The following SFPQ variants were observed in gnomAD, a reference collection of about 807,000 sequenced individuals.
SFPQ encodes splicing factor proline and glutamine rich.
Under a neutral mutation model 72.9 loss-of-function variants are expected in SFPQ, and 11 were observed. The observed-to-expected ratio is 0.15, with a 90% CI of 0.09 to 0.25. SFPQ has a LOEUF of 0.25. Among genes scored for constraint, SFPQ ranks in the 10% least tolerant of loss-of-function variants. The pLI is 1.00. For synonymous variants in SFPQ, 506 were observed against 367.3 expected (o/e 1.38, Z -4.32); for missense variants, 847 against 993.3 (o/e 0.85, Z 1.98).
At chr1:35,187,707 G>C (rs550257660) in intron 7 of SFPQ, among the ~76,000 whole-genome samples, 40 of 151,638 alleles carry the variant, frequency 2.6e-4, no homozygotes, top group African/African-American at 9.2e-4. Context: ...CTCCAGCCTG[G>C]GTGACAAGAG....
In SFPQ at chr1:35,183,967, G is replaced by T; in HGVS notation, c.*489C>A. ...CATTTCTTCTTTTTAAAACAAAGGG[G>T]GCAATTATTTGTAGAAAGCAATACT... On this transcript the variant is annotated 3_prime_UTR_variant, in exon 10 of 10. Transcript: ENST00000357214. The T allele has an allele frequency of 3.8e-6, 4 of 1,052,908 alleles. No homozygotes were observed. Among genetic ancestry groups the T allele is most frequent in the Non-Finnish European group, 4.6e-6 (4 of 871,298 alleles). 65.2% of individuals were successfully genotyped at this position (1,052,908 alleles called of 1,614,324 possible).
chr1:35,185,675 A>G (rs1477519012), intron 9 of SFPQ, among the ~76,000 whole-genome samples: 3 of 152,222 alleles, frequency 2.0e-5, no homozygotes, highest in African/African-American at 7.2e-5. Flanking sequence ...GTTCCTATAC[A>G]CAATTTCAAC....
rs926950806 is a variant in SFPQ at position 35,183,823 on chromosome 1, A to G, written c.*633T>C. 2 of 1,055,528 alleles carry G rather than the reference A, an allele frequency of 1.9e-6. No homozygotes were observed. Among genetic ancestry groups the G allele is most frequent in the African/African-American group, 3.3e-5 (2 of 60,490 alleles). 65.4% of individuals were successfully genotyped at this position (1,055,528 alleles called of 1,614,324 possible). A position where few individuals can be genotyped will look rare whatever the true frequency, so the allele number is the denominator to read the frequency against. ...CCAATTGTCTTACACCCATTCCACA[A>G]TCTTAATACATATTCCTGAAGATTT... On this transcript the variant is annotated 3_prime_UTR_variant, in exon 10 of 10. Coordinates refer to ENST00000357214, the MANE Select transcript of SFPQ (RefSeq NM_005066.3).
downstream of SFPQ, chr1:35,181,760 C>G: frequency 1.0e-6 from 1 of 985,332 alleles, no homozygotes; most frequent in Non-Finnish European, 1.2e-6. Context: ...CTTTCCCACC[C>G]CAAGTTTCAG....
intron 4 of SFPQ, chr1:35,177,740 T>G (rs1195840205): frequency 6.2e-6 from 1 of 160,738 alleles, no homozygotes; most frequent in African/African-American, 2.4e-5. Context: ...AAGTCAAGTT[T>G]TCTTTTCTGT....
chr1:35,190,687 A>C lies in SFPQ; in HGVS notation c.1319+7T>G. 1.9e-6 allele frequency: 3 copies of C among 1,612,682 alleles called. No homozygotes were observed. Among genetic ancestry groups the C allele is most frequent in the Non-Finnish European group, 2.5e-6 (3 of 1,179,242 alleles). Reference sequence around the variant, plus strand: ...TAGAAATTATTAGAATAAACAAGACAACTTACGTCGTCAGTAAGAAAACAC... The same window carrying C: ...TAGAAATTATTAGAATAAACAAGACCACTTACGTCGTCAGTAAGAAAACAC... On this transcript the variant is annotated splice_region_variant and intron_variant, in intron 3 of 9. Transcript: ENST00000357214.
rs1418971625 is a variant in SFPQ, at chr1:35,192,407, C to T, written c.643G>A (p.Gly215Arg). The stretch of plus-strand genomic sequence containing the variant: ...CCCGGGCCGCCACCTGGCTTCGGCC[C>T]GCCAGGCATTTTGCCGCCTTTGGGA... Reference protein sequence around the residue: ...GGPKGGKMPGGPKPGGGPGLS... With the variant: ...GGPKGGKMPGRPKPGGGPGLS... The change falls in exon 1 of 10, where the codon GGG becomes AGG. Residue 215 changes from glycine to arginine, a missense_variant. This residue lies in a region of SFPQ where 498 missense variants were observed against 405.1 expected (regional missense o/e 1.23). Transcript: ENST00000357214. The T allele has an allele frequency of 2.8e-6, 4 of 1,424,342 alleles. No individual in the cohort carries two copies. The highest frequency in any genetic ancestry group is 3.6e-6 in the Non-Finnish European group (4 of 1,096,984). The allele number at this position is 1,424,342 out of a possible 1,614,324, so 88.2% of individuals were successfully genotyped here. A position where few individuals can be genotyped will look rare whatever the true frequency, so the allele number is the denominator to read the frequency against.
rs561501989 is a variant in SFPQ at position 35,192,557 on chromosome 1, G to A, written c.493C>T (p.Pro165Ser). The change falls in exon 1 of 10, where the codon CCG becomes TCG. Residue 165 changes from proline to serine, a missense_variant. Pro to Ser is a moderately conservative substitution (Grantham distance 74). This residue lies in a region of SFPQ where 498 missense variants were observed against 405.1 expected (regional missense o/e 1.23). Transcript: ENST00000357214. ...CCGCTGCTTGGCGGGGTGGGTGGCG[G>A]CGCCCCGGGAGGGGCCGAGGTGACT... Reference protein sequence around the residue: ...PAVTSAPPGAPPPTPPSSGVP... With the variant: ...PAVTSAPPGASPPTPPSSGVP... The A allele has an allele frequency of 9.8e-6, 13 of 1,327,048 alleles. No homozygotes were observed. Among genetic ancestry groups the A allele is most frequent in the Non-Finnish European group, 1.1e-5 (12 of 1,044,578 alleles). 82.2% of individuals were successfully genotyped at this position (1,327,048 alleles called of 1,614,324 possible).
At position 35,192,770 on chromosome 1, in the gene SFPQ, G is replaced by A; in HGVS notation, c.280C>T (p.His94Tyr). Residue 94 changes from histidine to tyrosine, a missense_variant, in exon 1 of 10, where the codon CAT (histidine) becomes TAT (tyrosine). His to Tyr is a moderately conservative substitution (Grantham distance 83). This residue lies in a region of SFPQ where 498 missense variants were observed against 405.1 expected (regional missense o/e 1.23). Transcript: ENST00000357214. ...GGTGGCGGCGGCTGCTGCTGCTGAT[G>A]CGGCTGTGGATGCGGCGGCGGCTGA... ...PHQPPPHPQP[H>Y]QQQQPPPPPQ... The A allele has an allele frequency of 6.7e-7, 1 of 1,501,978 alleles. No individual in the cohort carries two copies. Among genetic ancestry groups the A allele is most frequent in the Non-Finnish European group, 8.8e-7 (1 of 1,131,264 alleles). 93.0% of individuals were successfully genotyped at this position (1,501,978 alleles called of 1,614,324 possible). A position where few individuals can be genotyped will look rare whatever the true frequency, so the allele number is the denominator to read the frequency against.
Position 35,183,267 on chromosome 1 carries a change from C to CTGGA in SFPQ, c.*1185_*1188dup. The CTGGA allele has an allele frequency of 1.3e-6, 1 of 748,992 alleles. No individual in the cohort carries two copies. Among genetic ancestry groups the CTGGA allele is most frequent in the Non-Finnish European group, 1.6e-6 (1 of 607,194 alleles). The allele number at this position is 748,992 out of a possible 1,614,324, so 46.4% of individuals were successfully genotyped here. A position where few individuals can be genotyped will look rare whatever the true frequency, so the allele number is the denominator to read the frequency against. ...ACAGAGTCTCGCTCTGTTGTCCAGG[C>CTGGA]TGGAGTGCAGTGGCAGTCTCAGCTC... On this transcript the variant is annotated 3_prime_UTR_variant, in exon 10 of 10. Transcript: ENST00000357214.
intron 2 of SFPQ, 140 bp downstream of exon 2, chr1:35,191,201 A>G: frequency 2.3e-6 from 2 of 858,748 alleles, no homozygotes. Context: ...TACCGCAAGC[A>G]TTTTTCCTGT....
rs1045083859 is a variant in SFPQ, at chr1:35,183,698, T to C, written c.*758A>G. The C allele has an allele frequency of 9.6e-7, 1 of 1,042,990 alleles. No homozygotes were observed. Among genetic ancestry groups the C allele is most frequent in the Non-Finnish European group, 1.2e-6 (1 of 865,062 alleles). The allele number at this position is 1,042,990 out of a possible 1,614,324, so 64.6% of individuals were successfully genotyped here. On this transcript the variant is annotated 3_prime_UTR_variant, in exon 10 of 10. Coordinates refer to ENST00000357214, the MANE Select transcript of SFPQ (RefSeq NM_005066.3). ...CTTTTAAAAACAAGAAATGGGGAAATGCAACAAAATGACCTTTCCACTTTT... is the reference window on the plus strand; with the variant it reads ...CTTTTAAAAACAAGAAATGGGGAAACGCAACAAAATGACCTTTCCACTTTT...
downstream of SFPQ, chr1:35,181,326 C>T (rs953583908): frequency 2.2e-5 from 23 of 1,065,320 alleles, no homozygotes; most frequent in African/African-American, 3.3e-5. Flanking sequence ...GAAAACATTC[C>T]GCCACAACTT....
chr1:35,186,436 T>C (rs1218507315), intron 9 of SFPQ, among the ~76,000 whole-genome samples: 1 of 152,170 alleles, frequency 6.6e-6, no homozygotes, highest in Non-Finnish European at 1.5e-5. Context: ...AATGGAGATG[T>C]CAGTTGATTT....
At chr1:35,188,199 C>CA (rs1260984833) in intron 6 of SFPQ, 109 bp from the exon 7 acceptor site, 1 of 817,404 alleles carries the variant, frequency 1.2e-6, no homozygotes, top group Non-Finnish European at 2.1e-6. Flanking sequence ...CTAAAAAACA[C>CA]AAAGGCTTAG....
intron 4 of SFPQ, 25 bp downstream of exon 4, chr1:35,190,473 G>C: frequency 6.6e-7 from 1 of 1,513,948 alleles, no homozygotes; most frequent in East Asian, 2.3e-5. Flanking sequence ...TTTAAAAACT[G>C]CCAAAAAAGT....
downstream of SFPQ, chr1:35,178,795 G>C: frequency 9.5e-7 from 1 of 1,050,958 alleles, no homozygotes. Context: ...TGTTGCACAT[G>C]TACCATCCAT....
intron 5 of SFPQ, among the ~76,000 whole-genome samples, chr1:35,176,845 G>C (rs192916201): frequency 9.8e-4 from 146 of 148,970 alleles, no homozygotes; most frequent in African/African-American, 3.4e-3. Context: ...CACTGCTCCA[G>C]CCTGGGCGAC....
chr1:35,183,645 C>T lies in SFPQ; in HGVS notation c.*811G>A. ...TTCAAATGTAAAAGTTCAATACAAGCCATTTATAGGGCTTGAGATTTGTTG... is the reference window on the plus strand; with the variant it reads ...TTCAAATGTAAAAGTTCAATACAAGTCATTTATAGGGCTTGAGATTTGTTG... On this transcript the variant is annotated 3_prime_UTR_variant, in exon 10 of 10. Transcript: ENST00000357214. The T allele has an allele frequency of 9.6e-7, 1 of 1,037,096 alleles. No homozygotes were observed. Among genetic ancestry groups the T allele is most frequent in the Non-Finnish European group, 1.2e-6 (1 of 861,176 alleles). 64.2% of individuals were successfully genotyped at this position (1,037,096 alleles called of 1,614,324 possible).
Sources: gnomAD v4.1 joint callset for allele counts (sites outside exome capture counted in the v4.1 genomes callset) on GRCh38, gnomAD v4.1.1 for gene constraint, gnomAD v4.1.1 regional missense constraint, MANE v1.5 for transcripts, NCBI Gene and HGNC (gene_info 2026-07-23, HGNC 2026-07-21) for gene names.